Variants in ITPR2 observed in about 807,000 individuals in gnomAD.
ITPR2 encodes the protein inositol 1,4,5-trisphosphate receptor type 2.
Under a neutral mutation model 317.1 loss-of-function variants are expected in ITPR2, and 207 were observed. The observed-to-expected ratio is 0.65, with a 90% CI of 0.58 to 0.73. The LOEUF is 0.73. Ranked by LOEUF, ITPR2 falls within the 30% of genes least tolerant of loss-of-function variation. The pLI is 0.00. For synonymous variants in ITPR2, 1,156 were observed against 1,149.1 expected, an observed-to-expected ratio of 1.01 and a Z score of -0.12; for missense variants, 2,613 against 3,284.0, an observed-to-expected ratio of 0.80 and a Z score of 4.99.
At chr12:26,495,045 A>T (rs2136873346) in intron 38 of ITPR2, 107 bp downstream of exon 38, 1 of 700,970 alleles carries the variant, frequency 1.4e-6, no homozygotes, top group Non-Finnish European at 2.5e-6. Context: ...AGTGATTTTT[A>T]AATGACTCTT....
chr12:26,398,838 C>G, intron 54 of ITPR2, 38 bp downstream of exon 54: 1 of 1,546,666 alleles, frequency 6.5e-7, no homozygotes, highest in Non-Finnish European at 8.8e-7. Flanking sequence ...TGCAAACAGT[C>G]TATTCATCTA....
intron 48 of ITPR2, among the ~76,000 whole-genome samples, chr12:26,433,923 A>G (rs1941284536): frequency 6.6e-6 from 1 of 152,192 alleles, no homozygotes; most frequent in Non-Finnish European, 1.5e-5. Context: ...GAAGTTTGCA[A>G]TTTTGCTTTC....
At chr12:26,715,466 C>T (rs762744531) in intron 7 of ITPR2, 21 bp from the exon 8 acceptor site, 28 of 1,605,650 alleles carry the variant, frequency 1.7e-5, no homozygotes, top group Non-Finnish European at 2.2e-5. Context: ...GGTCAAGAGA[C>T]ATCTGAACAA....
At chr12:26,607,886 C>T (rs1483014938) in intron 26 of ITPR2, among the ~76,000 whole-genome samples, 1 of 152,112 alleles carries the variant, frequency 6.6e-6, no homozygotes, top group Non-Finnish European at 1.5e-5. Flanking sequence ...CGAGACCATC[C>T]TGGCTAACAC....
chr12:26,715,249 T>TTC, intron 8 of ITPR2, 50 bp downstream of exon 8: 1 of 1,478,122 alleles, frequency 6.8e-7, no homozygotes, highest in Non-Finnish European at 9.3e-7. Context: ...CCAGTGAATC[T>TTC]TCTCTTTTTG....
At chr12:26,512,883 C>G (rs7308039) in intron 37 of ITPR2, among the ~76,000 whole-genome samples, 62,522 of 148,512 alleles carry the variant, frequency 0.42, 14,675 homozygotes, top group Non-Finnish European at 0.53. Context: ...AGTGCAGTGG[C>G]GCGATTTCGG....
At chr12:26,667,460 T>C (rs1352347619) in intron 13 of ITPR2, among the ~76,000 whole-genome samples, 1 of 152,226 alleles carries the variant, frequency 6.6e-6, no homozygotes, top group African/African-American at 2.4e-5. Context: ...TTTGGAAAAT[T>C]GTGTCTAACT....
chr12:26,659,283 T>C lies in ITPR2; in HGVS notation c.1716A>G (p.Glu572=), dbSNP rs1947442879. 1 of 1,612,766 alleles carries C rather than the reference T, an allele frequency of 6.2e-7. No individual in the cohort carries two copies. Among genetic ancestry groups the C allele is most frequent in the South Asian group, 1.1e-5 (1 of 90,910 alleles). ...HSQQDYRKNQ[E]YIAKNFCVMQ... ...TGACACAGAAATTCTTAGCAATATA[T>C]TCCTGCAAAGAAGAAAGGCTGTCAG... is the stretch of plus-strand genomic sequence containing the variant. The change falls in exon 16 of 57, where the codon GAA becomes GAG. Residue 572 remains glutamate, a splice_region_variant and synonymous_variant. Coordinates refer to ENST00000381340, the MANE Select transcript of ITPR2 (RefSeq NM_002223.4).
In ITPR2 at chr12:26,722,429, G is replaced by T. The variant is rs920529318; in HGVS notation, c.493C>A (p.Pro165Thr). Reference protein sequence around the residue: ...GNEGSWFYIHPFWKLRSEGDN... With the variant: ...GNEGSWFYIHTFWKLRSEGDN... ...CCCTCGCTTCTCAGTTTCCAGAACG[G>T]ATGAATATAAAACCAAGACCCTTCA... is the stretch of plus-strand genomic sequence containing the variant. Residue 165 changes from proline (P) to threonine (T), a missense_variant, in exon 5 of 57, where the codon CCG (proline) becomes ACG (threonine). This residue lies in a region of ITPR2 where 515 missense variants were observed against 789.4 expected (regional missense o/e 0.65). Coordinates refer to ENST00000381340, the MANE Select transcript of ITPR2 (RefSeq NM_002223.4). 2 of 1,612,282 alleles carry T rather than the reference G, an allele frequency of 1.2e-6. No individual in the cohort carries two copies. The highest frequency in any genetic ancestry group is 3.3e-5 in the Admixed American group (2 of 59,896).
At chr12:26,390,272 G>A (rs1231508977) in intron 54 of ITPR2, among the ~76,000 whole-genome samples, 2 of 152,142 alleles carry the variant, frequency 1.3e-5, no homozygotes, top group African/African-American at 2.4e-5. Flanking sequence ...ATATATTCAA[G>A]AGAACTGAAA....
In ITPR2 at chr12:26,486,361, C is replaced by T. The variant is rs1942665397; in HGVS notation, c.5555-1G>A. On this transcript the variant is annotated splice_acceptor_variant, in intron 40 of 56. Coordinates refer to ENST00000381340, the MANE Select transcript of ITPR2 (RefSeq NM_002223.4). LOFTEE classifies it high-confidence loss of function. ...TTTAAATGTAGTGTTGAATCTCTTA[C>T]TGAAAACAAAGCAGTACTTTTATAT... The T allele has an allele frequency of 6.2e-7, 1 of 1,605,792 alleles. No individual in the cohort carries two copies. The highest frequency in any genetic ancestry group is 1.3e-5 in the African/African-American group (1 of 74,372).
intron 1 of ITPR2, among the ~76,000 whole-genome samples, chr12:26,791,291 G>T (rs1249266252): frequency 6.6e-6 from 1 of 151,710 alleles, no homozygotes; most frequent in Non-Finnish European, 1.5e-5. Flanking sequence ...TTTTTTTCCA[G>T]AATATTGTGA....
At chr12:26,561,130 A>C (rs1382785236) in intron 35 of ITPR2, among the ~76,000 whole-genome samples, 1 of 152,226 alleles carries the variant, frequency 6.6e-6, no homozygotes, top group Non-Finnish European at 1.5e-5. Context: ...GGATTAGGAC[A>C]CAGACATGTG....
intron 32 of ITPR2, among the ~76,000 whole-genome samples, chr12:26,587,634 G>T (rs1945567562): frequency 1.3e-5 from 2 of 152,046 alleles, no homozygotes; most frequent in African/African-American, 4.8e-5. Flanking sequence ...AAGTCACACA[G>T]GGGTTTTATT....
intron 9 of ITPR2, among the ~76,000 whole-genome samples, chr12:26,703,671 G>T (rs1454043181): frequency 2.6e-5 from 4 of 152,028 alleles, no homozygotes; most frequent in Non-Finnish European, 4.4e-5. Flanking sequence ...TCGGTTTTTT[G>T]ATTTTAACAA....
chr12:26,565,479 AC>A (rs1234008290), intron 34 of ITPR2, among the ~76,000 whole-genome samples: 2 of 145,650 alleles, frequency 1.4e-5, no homozygotes, highest in Non-Finnish European at 1.5e-5. Context: ...GAATAGATAG[AC>A]AGATGATAGA....
intron 15 of ITPR2, among the ~76,000 whole-genome samples, chr12:26,659,917 C>T (rs1361766525): frequency 6.6e-6 from 1 of 152,172 alleles, no homozygotes; most frequent in African/African-American, 2.4e-5. Flanking sequence ...ATGTCATATA[C>T]TTTTTATCTT....
Position 26,665,984 on chromosome 12 carries a change from C to T in ITPR2, c.1477G>A (p.Val493Ile). ...GGCTTAGTGATAACCACATCCAGAA[C>T]TTCTTGTCCATTATTAGGCACATCA... Reference protein sequence around the residue: ...VADVPNNGQEVLDVVITKPNR... With the variant: ...VADVPNNGQEILDVVITKPNR... The change falls in exon 14 of 57, where the codon GTT becomes ATT. Residue 493 changes from valine (V) to isoleucine (I), a missense_variant. By Grantham distance (29) the Val-to-Ile change is conservative. Coordinates refer to ENST00000381340, the MANE Select transcript of ITPR2 (RefSeq NM_002223.4). 2 of 1,613,698 alleles carry T rather than the reference C, an allele frequency of 1.2e-6. No homozygotes were observed. The highest frequency in any genetic ancestry group is 1.7e-6 in the Non-Finnish European group (2 of 1,179,646).
At chr12:26,745,093 T>G (rs896710459) in intron 2 of ITPR2, among the ~76,000 whole-genome samples, 2 of 152,232 alleles carry the variant, frequency 1.3e-5, no homozygotes, top group Admixed American at 6.5e-5. Context: ...TGCCCACAGA[T>G]TAGCAACGGC....
Sources: gnomAD v4.1 joint callset for allele counts (sites outside exome capture counted in the v4.1 genomes callset) on GRCh38, gnomAD v4.1.1 for gene constraint, gnomAD v4.1.1 regional missense constraint, MANE v1.5 for transcripts, NCBI Gene and HGNC (gene_info 2026-07-23, HGNC 2026-07-21) for gene names.